PTPRD: variants seen among roughly 807,000 people sequenced by gnomAD.
The protein encoded by PTPRD is receptor-type tyrosine-protein phosphatase delta.
Under a neutral mutation model 214.5 loss-of-function variants are expected in PTPRD, and 34 were observed. The observed-to-expected ratio is 0.16, with a 90% CI of 0.12 to 0.21. PTPRD has a LOEUF of 0.21. PTPRD is among the 10% of genes least tolerant of loss of function. The pLI, the probability that PTPRD is intolerant of heterozygous loss-of-function variation, is 1.00. For missense variants in PTPRD, 2,545 were observed against 2,398.7 expected (o/e 1.06, Z -1.27); for synonymous variants, 1,128 against 845.7 (o/e 1.33, Z -5.79).
At chr9:8,843,896 T>G (rs1451233206) in intron 11 of PTPRD, among the ~76,000 whole-genome samples, 2 of 152,182 alleles carry the variant, frequency 1.3e-5, no homozygotes, top group African/African-American at 2.4e-5. Context: ...CTTCAATTTT[T>G]GGGATCTTAG....
intron 5 of PTPRD, among the ~76,000 whole-genome samples, chr9:9,888,240 A>G (rs77850109): frequency 0.028 from 4,200 of 152,250 alleles, 167 homozygotes; most frequent in African/African-American, 0.09. Context: ...AAAGTAGAAT[A>G]TGGATATTCC....
chr9:10,375,068 T>A (rs1365268403), intron 2 of PTPRD, among the ~76,000 whole-genome samples: 1 of 152,014 alleles, frequency 6.6e-6, no homozygotes, highest in African/African-American at 2.4e-5. Flanking sequence ...TTAAAATAGG[T>A]TCTTTATGTA....
intron 11 of PTPRD, among the ~76,000 whole-genome samples, chr9:9,014,208 T>G (rs945595060): frequency 9.9e-5 from 15 of 151,736 alleles, no homozygotes; most frequent in African/African-American, 2.7e-4. Context: ...TGTTTTTTTT[T>G]TTTTTCTGGA....
chr9:9,858,820 T>C (rs62533746), intron 5 of PTPRD, among the ~76,000 whole-genome samples: 7,115 of 152,288 alleles, frequency 0.047, 240 homozygotes, highest in South Asian at 0.14. Context: ...TCAACAGTTA[T>C]TTGTAGTTCA....
At chr9:9,341,712 G>A (rs751860874) in intron 9 of PTPRD, among the ~76,000 whole-genome samples, 1 of 152,030 alleles carries the variant, frequency 6.6e-6, no homozygotes, top group Non-Finnish European at 1.5e-5. Flanking sequence ...ACCCCTTTCT[G>A]TATTAAAGGA....
intron 9 of PTPRD, among the ~76,000 whole-genome samples, chr9:9,214,544 A>G (rs1195412868): frequency 1.3e-5 from 2 of 151,876 alleles, no homozygotes; most frequent in Non-Finnish European, 2.9e-5. Flanking sequence ...AGCTGATCAA[A>G]CTTATTAGAG....
Position 10,451,815 on chromosome 9 carries a change from A to G in PTPRD, c.-599-110798T>C, listed in dbSNP as rs73390331. ...TACGAATGCTTTCTTAGCTCCTTCT[A>G]AAACTATCTGAACAAAATGAGACAA... On this transcript the variant is annotated intron_variant, in intron 2 of 45. Transcript: ENST00000381196. Among the ~76,000 whole-genome samples the G allele has an allele frequency of 9.9e-3, 1,505 of 152,136 alleles. 20 individuals carry two copies. The highest frequency in any genetic ancestry group is 0.028 in the African/African-American group (1,184 of 41,566).
chr9:8,482,490 G>A (rs1405544945), intron 30 of PTPRD, among the ~76,000 whole-genome samples: 2 of 152,010 alleles, frequency 1.3e-5, no homozygotes, highest in Admixed American at 1.3e-4. Flanking sequence ...ATGCCTCTCT[G>A]CTTGACCTTC....
rs1593484585 is a variant in PTPRD, at chr9:10,186,476, T to C, written c.-544-152686A>G. Among the ~76,000 whole-genome samples the C allele has an allele frequency of 3.3e-5, 5 of 152,132 alleles. No homozygotes were observed. The South Asian group carries it at 1.0e-3, about 32-fold the overall frequency. On this transcript the variant is annotated intron_variant, in intron 3 of 45. Transcript: ENST00000381196. ...CTTGCAATTTGATTTAACAATATGA[T>C]AGATGAAAGCATGAGGCTATTATAA...
chr9:9,975,124 C>T (rs1373234187), intron 4 of PTPRD, among the ~76,000 whole-genome samples: 12 of 148,024 alleles, frequency 8.1e-5, no homozygotes, highest in Non-Finnish European at 1.5e-5. Context: ...AATGTGCGCT[C>T]CCATTTACAG....
At chr9:8,818,011 T>C (rs1399193492) in intron 11 of PTPRD, among the ~76,000 whole-genome samples, 1 of 152,218 alleles carries the variant, frequency 6.6e-6, no homozygotes, top group Admixed American at 6.5e-5. Flanking sequence ...TTGCCTGTTA[T>C]AACTCACGGC....
rs76579225 is a variant in PTPRD at position 9,124,465 on chromosome 9, C to G, written c.-143+58839G>C. 3.9e-5 allele frequency among the ~76,000 whole-genome samples: 6 copies of G among 152,156 alleles called. No homozygotes were observed. The East Asian group carries it at 1.2e-3, about 29-fold the overall frequency. ...TCTAATATGGTTGGTCAAAGACAGA[C>G]TGAAATTAGACCAGAGAAGAAATGA... On this transcript the variant is annotated intron_variant, in intron 10 of 45. Transcript: ENST00000381196.
chr9:9,150,588 A>G (rs2099875931), intron 10 of PTPRD, among the ~76,000 whole-genome samples: 1 of 151,540 alleles, frequency 6.6e-6, no homozygotes, highest in Non-Finnish European at 1.5e-5. Flanking sequence ...TCTGGGTTCA[A>G]GTGATTCTCC....
chr9:9,835,200 G>C (rs2056388460), intron 5 of PTPRD, among the ~76,000 whole-genome samples: 1 of 152,016 alleles, frequency 6.6e-6, no homozygotes. Context: ...TTATATTTCT[G>C]CGGATCCACT....
At chr9:9,351,049 A>G (rs982060585) in intron 9 of PTPRD, among the ~76,000 whole-genome samples, 26 of 151,978 alleles carry the variant, frequency 1.7e-4, no homozygotes, top group Admixed American at 1.6e-3. Context: ...TCAAGTCTCA[A>G]TTACCTTTGG....
intron 2 of PTPRD, among the ~76,000 whole-genome samples, chr9:10,344,939 T>A (rs2097039302): frequency 6.6e-6 from 1 of 152,204 alleles, no homozygotes; most frequent in Admixed American, 6.5e-5. Context: ...GTTATTCATT[T>A]TAGATGCTAT....
intron 2 of PTPRD, among the ~76,000 whole-genome samples, chr9:10,344,376 C>A (rs1488242526): frequency 6.6e-6 from 1 of 151,934 alleles, no homozygotes; most frequent in Non-Finnish European, 1.5e-5. Flanking sequence ...CTGTTCTGTT[C>A]CATTGGTCTA....
intron 3 of PTPRD, among the ~76,000 whole-genome samples, chr9:10,300,425 C>A (rs926934703): frequency 1.3e-5 from 2 of 152,198 alleles, no homozygotes; most frequent in Non-Finnish European, 2.9e-5. Context: ...ATTCCCTCCC[C>A]TGGAAAGGGG....
chr9:9,273,924 A>G (rs1594950017), intron 9 of PTPRD, among the ~76,000 whole-genome samples: 1 of 151,336 alleles, frequency 6.6e-6, no homozygotes, highest in African/African-American at 2.4e-5. Flanking sequence ...GAAATTTCAT[A>G]GACTTCAATA....
Sources: allele counts gnomAD v4.1 joint callset (sites outside exome capture counted in the v4.1 genomes callset), GRCh38; gene constraint gnomAD v4.1.1; transcripts MANE v1.5; gene names NCBI Gene and HGNC (gene_info 2026-07-23, HGNC 2026-07-21).